Variants in SPAG16 observed in about 807,000 individuals in gnomAD.
SPAG16 encodes sperm-associated antigen 16 protein.
In SPAG16, 86 loss-of-function variants were observed where a neutral mutation model predicts 80.4. The observed-to-expected ratio is 1.07, with a 90% CI of 0.90 to 1.28. The LOEUF (loss-of-function observed/expected upper bound fraction) is 1.28. Among genes scored for constraint, SPAG16 ranks in the 50% most tolerant of loss-of-function variants. SPAG16 has a pLI of 0.00. For synonymous variants in SPAG16, 294 were observed against 265.9 expected (o/e 1.11, Z -1.03); for missense variants, 870 against 765.3 (o/e 1.14, Z -1.61).
intron 10 of SPAG16, among the ~76,000 whole-genome samples, chr2:213,812,865 CTT>C (rs141499213): frequency 6.8e-6 from 1 of 147,772 alleles, no homozygotes. Context: ...CATATGTTAT[CTT>C]TTTTTTTTGA....
intron 11 of SPAG16, among the ~76,000 whole-genome samples, chr2:213,869,286 T>TAA (rs1463088943): frequency 1.7e-5 from 2 of 118,306 alleles, no homozygotes; most frequent in Admixed American, 8.9e-5. Flanking sequence ...TATATGTATA[T>TAA]ATATATGTAT....
At chr2:213,766,921 T>C (rs2068965476) in intron 10 of SPAG16, among the ~76,000 whole-genome samples, 1 of 152,176 alleles carries the variant, frequency 6.6e-6, no homozygotes, top group African/African-American at 2.4e-5. Context: ...AGGGTAGCTT[T>C]CTCCTGCGAG....
chr2:214,317,845 C>T (rs1695797851), intron 15 of SPAG16, among the ~76,000 whole-genome samples: 1 of 152,190 alleles, frequency 6.6e-6, no homozygotes, highest in Non-Finnish European at 1.5e-5. Context: ...TTAGTCAGAA[C>T]TGCATCACAT....
intron 12 of SPAG16, among the ~76,000 whole-genome samples, chr2:213,949,179 T>TTTTTTTGTTTTG (rs1553677659): frequency 9.4e-4 from 34 of 36,244 alleles, no homozygotes; most frequent in Admixed American, 1.9e-3. Context: ...GTTTTTTTTT[T>TTTTTTTGTTTTG]TTTTTTTTTT....
intron 15 of SPAG16, among the ~76,000 whole-genome samples, chr2:214,351,661 T>C (rs10181868): frequency 1 from 151,523 of 151,564 alleles, 75,741 homozygotes; most frequent in Middle Eastern, 1. Flanking sequence ...CGAGATGGCA[T>C]CACTGCACTC....
At chr2:213,665,857 T>A (rs569654151) in intron 10 of SPAG16, among the ~76,000 whole-genome samples, 1 of 152,280 alleles carries the variant, frequency 6.6e-6, no homozygotes, top group African/African-American at 2.4e-5. Context: ...TTCCTCACTA[T>A]GCTTGGGAGC....
chr2:213,450,539 G>A (rs1205052922), intron 9 of SPAG16, among the ~76,000 whole-genome samples: 1 of 152,060 alleles, frequency 6.6e-6, no homozygotes, highest in East Asian at 1.9e-4. Flanking sequence ...ATTTCATAAA[G>A]TTTTTATGAA....
intron 9 of SPAG16, among the ~76,000 whole-genome samples, chr2:213,465,623 A>G (rs73986879): frequency 0.063 from 9,551 of 152,232 alleles, 982 homozygotes; most frequent in African/African-American, 0.22. Context: ...TTTGTTAGCC[A>G]GAGACTCCCC....
Position 213,680,926 on chromosome 2 carries a change from A to G in SPAG16, c.1071-181559A>G, listed in dbSNP as rs113844258. ...AAATTTAGACATTTTCTGGTTTACA[A>G]TTGGCTGAGTTTATCTGAAGAACTA... On this transcript the variant is annotated intron_variant, in intron 10 of 15. Coordinates refer to ENST00000331683, the MANE Select transcript of SPAG16 (RefSeq NM_024532.5). Among the ~76,000 whole-genome samples the G allele has an allele frequency of 8.3e-3, 1,260 of 152,334 alleles. 9 individuals carry two copies. Among genetic ancestry groups the G allele is most frequent in the Middle Eastern group, 0.024 (7 of 294 alleles).
chr2:214,404,835 T>G (rs1040145501), intron 15 of SPAG16, among the ~76,000 whole-genome samples: 5 of 152,040 alleles, frequency 3.3e-5, no homozygotes, highest in African/African-American at 1.2e-4. Flanking sequence ...GCTGGAGATA[T>G]GGGAAGGGAT....
chr2:213,525,007 G>T (rs551463644), intron 10 of SPAG16, among the ~76,000 whole-genome samples: 7 of 152,216 alleles, frequency 4.6e-5, no homozygotes, highest in Non-Finnish European at 1.0e-4. Flanking sequence ...TTGAATTGCA[G>T]TTCCCATAAT....
intron 10 of SPAG16, among the ~76,000 whole-genome samples, chr2:213,837,458 C>T (rs1357177168): frequency 6.6e-6 from 1 of 152,160 alleles, no homozygotes; most frequent in Non-Finnish European, 1.5e-5. Context: ...TTTAAACATG[C>T]AAAAGTCACT....
At chr2:214,130,798 T>A (rs2054727817) in intron 14 of SPAG16, among the ~76,000 whole-genome samples, 1 of 152,126 alleles carries the variant, frequency 6.6e-6, no homozygotes, top group South Asian at 2.1e-4. Context: ...AGTCAGAACA[T>A]TTTTTTAGTG....
intron 10 of SPAG16, among the ~76,000 whole-genome samples, chr2:213,574,222 C>T (rs372844444): frequency 9.2e-5 from 14 of 152,266 alleles, no homozygotes; most frequent in African/African-American, 3.4e-4. Context: ...TCCAGTTTTT[C>T]ATCAGCCCTG....
intron 10 of SPAG16, among the ~76,000 whole-genome samples, chr2:213,702,096 T>C (rs904642958): frequency 3.3e-5 from 5 of 152,302 alleles, no homozygotes; most frequent in Non-Finnish European, 7.4e-5. Context: ...AGCTAGAGGA[T>C]TGTAAATGCA....
At chr2:213,943,727 G>A (rs1378974579) in intron 12 of SPAG16, among the ~76,000 whole-genome samples, 1 of 152,174 alleles carries the variant, frequency 6.6e-6, no homozygotes, top group Non-Finnish European at 1.5e-5. Context: ...TAAGCAAAAA[G>A]GAACCAAAAC....
At chr2:214,277,169 A>G (rs940739164) in intron 15 of SPAG16, among the ~76,000 whole-genome samples, 4 of 151,912 alleles carry the variant, frequency 2.6e-5, no homozygotes, top group Non-Finnish European at 5.9e-5. Flanking sequence ...TACATTGTTT[A>G]TTCCAGTTAG....
intron 10 of SPAG16, among the ~76,000 whole-genome samples, chr2:213,636,853 G>A (rs570903739): frequency 2.6e-5 from 4 of 152,112 alleles, no homozygotes; most frequent in Admixed American, 6.5e-5. Flanking sequence ...GGAGCTTTTT[G>A]GATGAGTGTT....
chr2:214,149,212 G>A lies in SPAG16; in HGVS notation c.1666G>A (p.Val556Met), dbSNP rs756845288. 2.5e-6 allele frequency: 4 copies of A among 1,599,832 alleles called. No individual in the cohort carries two copies. Among genetic ancestry groups the A allele is most frequent in the Non-Finnish European group, 2.6e-6 (3 of 1,172,774 alleles). The change falls in exon 15 of 16, where the codon GTG (valine) becomes ATG (methionine). Residue 556 changes from valine to methionine, a missense_variant. By Grantham distance (21) the Val-to-Met change is conservative. Transcript: ENST00000331683. The part of the protein sequence containing the change: ...LWDFRKLLPI[V>M]SIDIGPSPGN... ...GGACTTTCGGAAGCTGTTACCAATT[G>A]TGTCCATCGATATAGGTCCAAGTCC...
Sources: gnomAD v4.1 joint callset for allele counts (sites outside exome capture counted in the v4.1 genomes callset) on GRCh38, gnomAD v4.1.1 for gene constraint, MANE v1.5 for transcripts, NCBI Gene and HGNC (gene_info 2026-07-23, HGNC 2026-07-21) for gene names.